Variants in CACNA1D observed in about 807,000 individuals in gnomAD.
CACNA1D encodes voltage-dependent L-type calcium channel subunit alpha-1D.
In CACNA1D, 55 loss-of-function variants were observed where a neutral mutation model predicts 257.1. The observed-to-expected ratio is 0.21, with a 90% confidence interval of 0.17 to 0.27. The LOEUF is 0.27. CACNA1D is among the 10% of genes least tolerant of loss of function. CACNA1D has a pLI of 1.00. For missense variants in CACNA1D, 1,876 were observed against 2,784.0 expected, an observed-to-expected ratio of 0.67 and a Z score of 7.34; for synonymous variants, 980 against 1,014.9, an observed-to-expected ratio of 0.97 and a Z score of 0.65.
At chr3:53,513,179 G>A (rs1024978999) in intron 3 of CACNA1D, among the ~76,000 whole-genome samples, 2 of 152,172 alleles carry the variant, frequency 1.3e-5, no homozygotes, top group Non-Finnish European at 2.9e-5. Context: ...TGCTGAGCTA[G>A]GTGGGCTTTC....
At chr3:53,646,374 T>C (rs1037083434) in intron 3 of CACNA1D, among the ~76,000 whole-genome samples, 24 of 152,236 alleles carry the variant, frequency 1.6e-4, no homozygotes, top group African/African-American at 5.5e-4. Flanking sequence ...TACATACATA[T>C]GTATCCTGTT....
Position 53,615,092 on chromosome 3 carries a change from A to T in CACNA1D, c.484-35687A>T, listed in dbSNP as rs555479360. Among the ~76,000 whole-genome samples, 108 of 152,366 alleles carry T rather than the reference A, an allele frequency of 7.1e-4. 1 individual carries two copies. The highest frequency in any genetic ancestry group is 2.6e-3 in the African/African-American group (108 of 41,582). On this transcript the variant is annotated intron_variant, in intron 3 of 47. Coordinates refer to ENST00000350061, the MANE Select transcript of CACNA1D (RefSeq NM_001128840.3). ...AAAGTTGCTGCAGCCTTCATTTTTTAAATTGGTCACCAGACCATCATTGAC... is the reference window on the plus strand; with the variant it reads ...AAAGTTGCTGCAGCCTTCATTTTTTTAATTGGTCACCAGACCATCATTGAC...
intron 43 of CACNA1D, among the ~76,000 whole-genome samples, chr3:53,802,872 A>G (rs2095543252): frequency 6.6e-6 from 1 of 152,124 alleles, no homozygotes; most frequent in Admixed American, 6.5e-5. Context: ...GACTTACCAC[A>G]TTCCTGGGGC....
intron 29 of CACNA1D, among the ~76,000 whole-genome samples, chr3:53,759,552 T>A (rs1460555748): frequency 1.3e-5 from 2 of 152,236 alleles, no homozygotes; most frequent in Admixed American, 1.3e-4. Flanking sequence ...TAGTTGCTAC[T>A]TGTGACCAAG....
Position 53,550,109 on chromosome 3 carries a change from G to A in CACNA1D, c.483+48389G>A, listed in dbSNP as rs116552830. 4.9e-3 allele frequency among the ~76,000 whole-genome samples: 742 copies of A among 152,234 alleles called. 8 individuals are homozygous for A. Among genetic ancestry groups the A allele is most frequent in the African/African-American group, 0.017 (708 of 41,540 alleles). Reference sequence around the variant, plus strand: ...TAGAAAGCGAATTGGCTCTCCCCACGTTGGCTCCCATGGAAAGGACTGATG... The same window carrying A: ...TAGAAAGCGAATTGGCTCTCCCCACATTGGCTCCCATGGAAAGGACTGATG... On this transcript the variant is annotated intron_variant, in intron 3 of 47. Coordinates refer to ENST00000350061, the MANE Select transcript of CACNA1D (RefSeq NM_001128840.3).
intron 34 of CACNA1D, 67 bp from the exon 35 acceptor site, chr3:53,775,819 C>G (rs2095394134): frequency 6.7e-7 from 1 of 1,490,966 alleles, no homozygotes; most frequent in African/African-American, 1.4e-5. Context: ...GTTTTTCTCC[C>G]CTAAGATCTA....
chr3:53,796,807 G>C (rs548100115), intron 40 of CACNA1D, among the ~76,000 whole-genome samples: 11 of 152,122 alleles, frequency 7.2e-5, no homozygotes, highest in African/African-American at 2.4e-4. Context: ...CAGAAACTAG[G>C]CTTGATTCTG....
At chr3:53,693,787 G>A (rs570994260) in intron 8 of CACNA1D, among the ~76,000 whole-genome samples, 2 of 152,108 alleles carry the variant, frequency 1.3e-5, no homozygotes, top group East Asian at 1.9e-4. Flanking sequence ...AGTTTTCAAT[G>A]GAGGTTATGT....
At chr3:53,734,524 T>G (rs1188415312) in intron 19 of CACNA1D, among the ~76,000 whole-genome samples, 1 of 152,104 alleles carries the variant, frequency 6.6e-6, no homozygotes, top group Non-Finnish European at 1.5e-5. Context: ...ATGTTTAAAT[T>G]CTAAAGTCAA....
intron 3 of CACNA1D, among the ~76,000 whole-genome samples, chr3:53,602,743 G>A (rs1399217378): frequency 6.6e-6 from 1 of 152,154 alleles, no homozygotes; most frequent in Non-Finnish European, 1.5e-5. Context: ...TTGGCCGTTT[G>A]TCTTCTTTTG....
rs1196574122 is a variant in CACNA1D, at chr3:53,495,636, C to T, written c.67+403C>T. Reference sequence around the variant, plus strand: ...GCCTTCCACTCCTCCCCCGCCCCCTCGTTGACTAGGAAGAAGGTCCCTGGT... The same window carrying T: ...GCCTTCCACTCCTCCCCCGCCCCCTTGTTGACTAGGAAGAAGGTCCCTGGT... On this transcript the variant is annotated intron_variant, in intron 1 of 47. Transcript: ENST00000350061. The surrounding 1 kb of genome is among the most constrained non-coding windows in gnomAD (Gnocchi z 5.1). Among the ~76,000 whole-genome samples the T allele has an allele frequency of 6.6e-6, 1 of 152,246 alleles. No individual in the cohort carries two copies. The highest frequency in any genetic ancestry group is 2.4e-5 in the African/African-American group (1 of 41,476).
intron 9 of CACNA1D, among the ~76,000 whole-genome samples, chr3:53,703,915 C>T (rs953681257): frequency 6.6e-5 from 10 of 152,096 alleles, no homozygotes; most frequent in Non-Finnish European, 1.5e-4. Context: ...GACGAGGGAT[C>T]GAGGACAGGG....
In CACNA1D at chr3:53,673,694, A is replaced by G. The variant is rs947763055; in HGVS notation, c.1220+568A>G. ...TTAGTAAATGGATAACTGATAACTG[A>G]TCTCCTTACATTTTACAGGTAAATG... On this transcript the variant is annotated intron_variant, in intron 8 of 47. Transcript: ENST00000350061. This position sits in a 1 kb window ranked among gnomAD's most constrained non-coding sequence, Gnocchi z 4.1. The G allele has an allele frequency of 2.6e-6, 4 of 1,551,862 alleles. No individual in the cohort carries two copies. Among genetic ancestry groups the G allele is most frequent in the South Asian group, 1.1e-5 (1 of 89,786 alleles).
intron 33 of CACNA1D, chr3:53,773,966 T>A (rs2095381783): frequency 6.5e-6 from 1 of 153,468 alleles, no homozygotes; most frequent in South Asian, 2.0e-4. Context: ...TAAAACTCTT[T>A]AGTACCTTCC....
chr3:53,639,599 G>A (rs2093926555), intron 3 of CACNA1D, among the ~76,000 whole-genome samples: 1 of 152,048 alleles, frequency 6.6e-6, no homozygotes, highest in Non-Finnish European at 1.5e-5. Flanking sequence ...TGTTAGCTAG[G>A]ATGGCCTCCA....
intron 3 of CACNA1D, among the ~76,000 whole-genome samples, chr3:53,531,707 C>A (rs1005932247): frequency 6.7e-6 from 1 of 150,302 alleles, no homozygotes; most frequent in Non-Finnish European, 1.5e-5. Flanking sequence ...TTACCTTCTC[C>A]TTTTGGTTTC....
Position 53,805,132 on chromosome 3 carries a change from C to A in CACNA1D, c.5735C>A (p.Pro1912His), listed in dbSNP as rs761482709. 2 of 1,613,916 alleles carry A rather than the reference C, an allele frequency of 1.2e-6. No individual in the cohort carries two copies. Among genetic ancestry groups the A allele is most frequent in the East Asian group, 4.5e-5 (2 of 44,870 alleles). The change falls in exon 45 of 48, where the codon CCT (proline) becomes CAT (histidine). Residue 1912 changes from proline (P) to histidine (H), a missense_variant. By Grantham distance (77) the Pro-to-His change is moderately conservative. This residue lies in a region of CACNA1D where 491 missense variants were observed against 554.3 expected (regional missense o/e 0.89). Transcript: ENST00000350061. ...SRRSPRRRLL[P>H]PTPASHRRSS... ...AGATCTCCAAGGAGACGCCTACTAC[C>A]TCCCACCCCAGCATGTGAGGCCAGA... is the stretch of plus-strand genomic sequence containing the variant.
intron 34 of CACNA1D, 66 bp from the exon 35 acceptor site, chr3:53,775,820 C>G: frequency 6.6e-7 from 1 of 1,510,560 alleles, no homozygotes; most frequent in Non-Finnish European, 9.2e-7. Context: ...TTTTTCTCCC[C>G]TAAGATCTAA....
chr3:53,801,414 C>T lies in CACNA1D; in HGVS notation c.5397C>T (p.Ser1799=). 1 of 1,614,000 alleles carries T rather than the reference C, an allele frequency of 6.2e-7. No individual in the cohort carries two copies. The highest frequency in any genetic ancestry group is 1.1e-5 in the South Asian group (1 of 91,070). ...HKHDREPQRR[S]SVKRTRYYET... Reference sequence around the variant, plus strand: ...ATGACCGGGAGCCTCAGAGAAGGTCCAGTGTGAAAAGGTAACCTTGACAAT... The same window carrying T: ...ATGACCGGGAGCCTCAGAGAAGGTCTAGTGTGAAAAGGTAACCTTGACAAT... Residue 1799 remains serine, a synonymous_variant, in exon 42 of 48, where the codon TCC becomes TCT. Transcript: ENST00000350061.
Sources: allele counts gnomAD v4.1 joint callset (sites outside exome capture counted in the v4.1 genomes callset), GRCh38; gene constraint gnomAD v4.1.1; regional missense constraint gnomAD v4.1.1; non-coding constraint Gnocchi (gnomAD v3.1); transcripts MANE v1.5; gene names NCBI Gene and HGNC (gene_info 2026-07-23, HGNC 2026-07-21).